Variants in UBTD2 observed in about 807,000 individuals in gnomAD.
UBTD2 encodes ubiquitin domain containing 2, also known as ubiquitin domain-containing protein 2.
UBTD2 carries 9 observed loss-of-function variants against 19.8 expected under a neutral mutation model. That is an observed-to-expected ratio of 0.46 (90% CI 0.27 to 0.79). UBTD2 has a LOEUF of 0.79. UBTD2 is among the 30% of genes least tolerant of loss of function. UBTD2 has a pLI of 0.14. For missense variants in UBTD2, 250 were observed against 300.4 expected (o/e 0.83, Z 1.24); for synonymous variants, 98 against 103.9 (o/e 0.94, Z 0.35).
chr5:172,261,369 TA>T (rs1399766408), intron 1 of UBTD2, among the ~76,000 whole-genome samples: 1 of 152,244 alleles, frequency 6.6e-6, no homozygotes, highest in Non-Finnish European at 1.5e-5. Context: ...TTAATCTTTC[TA>T]CAGATTAAAC....
At chr5:172,250,718 T>C (rs1754984446) in intron 1 of UBTD2, among the ~76,000 whole-genome samples, 1 of 151,946 alleles carries the variant, frequency 6.6e-6, no homozygotes, top group Admixed American at 6.6e-5. Context: ...ATTGTGCTCA[T>C]GAAAGATAAC....
chr5:172,282,111 TAATTA>T (rs1755730018), intron 1 of UBTD2, among the ~76,000 whole-genome samples: 1 of 152,180 alleles, frequency 6.6e-6, no homozygotes, highest in Non-Finnish European at 1.5e-5. Context: ...GAAAAAAATT[TAATTA>T]AAACTAAACA....
chr5:172,212,968 A>G (rs185110988), intron 2 of UBTD2, among the ~76,000 whole-genome samples: 237 of 141,332 alleles, frequency 1.7e-3, no homozygotes, highest in African/African-American at 5.4e-3. Flanking sequence ...GCCCAGCCCT[A>G]GAGCAGTTTT....
intron 1 of UBTD2, among the ~76,000 whole-genome samples, chr5:172,264,656 C>T (rs1755337664): frequency 1.3e-5 from 2 of 151,906 alleles, no homozygotes; most frequent in African/African-American, 4.8e-5. Context: ...AGAGGATCAC[C>T]TGAGCCCAGG....
upstream of UBTD2, chr5:172,283,868 A>C: frequency 1.1e-5 from 2 of 178,714 alleles, no homozygotes; most frequent in Non-Finnish European, 2.2e-5. The surrounding 1 kb of genome is among the most constrained non-coding windows in gnomAD (Gnocchi z 4.3). Context: ...CTTCTACCTC[A>C]ACCCCCGGGC....
At chr5:172,265,572 G>A (rs1258018991) in intron 1 of UBTD2, among the ~76,000 whole-genome samples, 8 of 152,084 alleles carry the variant, frequency 5.3e-5, no homozygotes, top group East Asian at 1.9e-4. Context: ...CTTGTGATCC[G>A]ACCGCCTCGG....
chr5:172,277,106 C>CA (rs1755620738), intron 1 of UBTD2, among the ~76,000 whole-genome samples: 1 of 97,102 alleles, frequency 1.0e-5, no homozygotes, highest in African/African-American at 3.8e-5. Context: ...AAGAAGGGAA[C>CA]AAAAAGAAGA....
At chr5:172,251,110 C>A (rs1174292050) in intron 1 of UBTD2, among the ~76,000 whole-genome samples, 1 of 151,158 alleles carries the variant, frequency 6.6e-6, no homozygotes, top group Non-Finnish European at 1.5e-5. Context: ...GTCAGGAAAT[C>A]GAGCTCATCC....
intron 1 of UBTD2, among the ~76,000 whole-genome samples, chr5:172,276,998 G>A (rs1755616316): frequency 6.7e-6 from 1 of 148,994 alleles, no homozygotes; most frequent in Non-Finnish European, 1.5e-5. Context: ...CAACCTGGGA[G>A]GCGGAGATTG....
At position 172,211,797 on chromosome 5, in the gene UBTD2, G is replaced by T; in HGVS notation, c.*33C>A. 1 of 1,551,988 alleles carries T rather than the reference G, an allele frequency of 6.4e-7. No individual in the cohort carries two copies. The highest frequency in any genetic ancestry group is 8.7e-7 in the Non-Finnish European group (1 of 1,149,076). On this transcript the variant is annotated 3_prime_UTR_variant, in exon 3 of 3. Transcript: ENST00000393792. Reference sequence around the variant, plus strand: ...ACAACAAGAACCATAAAAAGGAGCAGAGGGATGTGGGAGCTGGCCAACAGG... The same window carrying T: ...ACAACAAGAACCATAAAAAGGAGCATAGGGATGTGGGAGCTGGCCAACAGG...
chr5:172,220,347 T>C (rs1056320449), intron 2 of UBTD2, among the ~76,000 whole-genome samples: 2 of 152,182 alleles, frequency 1.3e-5, no homozygotes, highest in Non-Finnish European at 2.9e-5. Flanking sequence ...ACAAAAAAGC[T>C]ATAGCTGGCC....
chr5:172,267,374 GA>G (rs550235057), intron 1 of UBTD2, among the ~76,000 whole-genome samples: 269 of 152,252 alleles, frequency 1.8e-3, no homozygotes, highest in African/African-American at 5.8e-3. Flanking sequence ...TACTGACTGG[GA>G]AAACCACAGG....
chr5:172,273,346 T>C (rs1755536722), intron 1 of UBTD2, among the ~76,000 whole-genome samples: 1 of 152,096 alleles, frequency 6.6e-6, no homozygotes, highest in Admixed American at 6.6e-5. Flanking sequence ...ATCCCAGCAC[T>C]TTGGGAAGCC....
chr5:172,258,780 G>A (rs2113091102), intron 1 of UBTD2, among the ~76,000 whole-genome samples: 1 of 152,284 alleles, frequency 6.6e-6, no homozygotes, highest in African/African-American at 2.4e-5. Context: ...GTATAGAAAT[G>A]CTACTGATTT....
intron 2 of UBTD2, among the ~76,000 whole-genome samples, chr5:172,215,509 A>G (rs528737560): frequency 8.5e-5 from 13 of 152,302 alleles, no homozygotes; most frequent in African/African-American, 2.6e-4. Context: ...CCGAAGGCCC[A>G]TTTCACACAG....
At chr5:172,213,797 C>CT (rs574557167) in intron 2 of UBTD2, among the ~76,000 whole-genome samples, 28 of 150,450 alleles carry the variant, frequency 1.9e-4, no homozygotes, top group African/African-American at 6.3e-4. Context: ...TTTTCTTTTT[C>CT]TTTTTTGAGA....
intron 1 of UBTD2, among the ~76,000 whole-genome samples, chr5:172,268,552 G>T (rs1469707981): frequency 1.3e-5 from 2 of 152,132 alleles, no homozygotes; most frequent in Non-Finnish European, 2.9e-5. Flanking sequence ...TTCAAGACCA[G>T]CCTGGCCAAC....
intron 2 of UBTD2, among the ~76,000 whole-genome samples, chr5:172,224,198 T>C (rs941683543): frequency 2.0e-5 from 3 of 151,826 alleles, no homozygotes; most frequent in African/African-American, 7.3e-5. Flanking sequence ...CCCACGTACC[T>C]AGGGAGAGGC....
chr5:172,228,528 C>A (rs1336821744), intron 2 of UBTD2, among the ~76,000 whole-genome samples: 2 of 152,094 alleles, frequency 1.3e-5, no homozygotes, highest in Non-Finnish European at 2.9e-5. Context: ...TGAGACCACC[C>A]TGGCCAACAT....
Sources: gnomAD v4.1 joint callset for allele counts (sites outside exome capture counted in the v4.1 genomes callset) on GRCh38, gnomAD v4.1.1 for gene constraint, Gnocchi (gnomAD v3.1) non-coding constraint, MANE v1.5 for transcripts, NCBI Gene and HGNC (gene_info 2026-07-23, HGNC 2026-07-21) for gene names.